Variants in RASSF4 observed in about 807,000 individuals in gnomAD.
RASSF4 encodes the protein Ras association domain family member 4, also known as ras association domain-containing protein 4.
Under a neutral mutation model 41.1 loss-of-function variants are expected in RASSF4, and 38 were observed. The observed-to-expected ratio is 0.92, with a 90% CI of 0.71 to 1.21. The LOEUF (loss-of-function observed/expected upper bound fraction) is 1.21, where lower values mean the gene tolerates loss of function less well. Among genes scored for constraint, RASSF4 ranks in the 50% most tolerant of loss-of-function variants. The probability of loss-of-function intolerance (pLI) is 0.00; values close to 1 mark genes in which losing one functional copy is unlikely to be tolerated. For synonymous variants in RASSF4, 179 were observed against 163.4 expected, an observed-to-expected ratio of 1.10 and a Z score of -0.73; for missense variants, 414 against 419.4, an observed-to-expected ratio of 0.99 and a Z score of 0.11.
intron 7 of RASSF4, 70 bp downstream of exon 7, chr10:44,989,445 TG>T: frequency 8.5e-7 from 1 of 1,175,718 alleles, no homozygotes; most frequent in Non-Finnish European, 1.3e-6. Context: ...GGTGGGGTTC[TG>T]GGGAAAGCTG....
chr10:44,984,994 C>T, intron 6 of RASSF4, 24 bp downstream of exon 6: 1 of 1,598,514 alleles, frequency 6.3e-7, no homozygotes. Context: ...CTGGCCTCTC[C>T]CCTGGGCGCA....
chr10:44,986,863 T>C (rs1350687633), intron 6 of RASSF4, among the ~76,000 whole-genome samples: 1 of 152,234 alleles, frequency 6.6e-6, no homozygotes, highest in African/African-American at 2.4e-5. Flanking sequence ...CCCAGAAATG[T>C]TGGTTTTATT....
Position 44,977,451 on chromosome 10 carries a change from G to T in RASSF4, c.139-5070G>T, listed in dbSNP as rs199694570. 5.0e-6 allele frequency: 8 copies of T among 1,611,496 alleles called. No homozygotes were observed. In the South Asian group the frequency reaches 7.7e-5, roughly 16 times the overall value. On this transcript the variant is annotated intron_variant, in intron 3 of 10. Coordinates refer to ENST00000340258, the MANE Select transcript of RASSF4 (RefSeq NM_032023.4). ...AGTGTTCTGAGGACACTGCTGGGGC[G>T]GGGGCGGTGGCGGGAGGCCATGGCT...
At chr10:44,990,840 T>C (rs1289821590) in intron 8 of RASSF4, 108 bp from the exon 9 acceptor site, 8 of 1,179,220 alleles carry the variant, frequency 6.8e-6, no homozygotes, top group South Asian at 5.7e-5. Context: ...TCTGTGTTCT[T>C]AGGGTTCCCT....
intron 9 of RASSF4, 103 bp from the exon 10 acceptor site, chr10:44,991,802 A>T: frequency 2.7e-6 from 2 of 734,002 alleles, no homozygotes; most frequent in Non-Finnish European, 4.7e-6. Flanking sequence ...TTCTGTGGAT[A>T]CAAGATGTTG....
intron 9 of RASSF4, among the ~76,000 whole-genome samples, chr10:44,991,498 A>G (rs529261371): frequency 8.5e-5 from 13 of 152,302 alleles, no homozygotes; most frequent in African/African-American, 2.4e-4. Context: ...ACTCCTCTGC[A>G]TAGAAGATGC....
chr10:44,971,552 T>G (rs765589130), intron 2 of RASSF4: 14 of 675,258 alleles, frequency 2.1e-5, no homozygotes, highest in Non-Finnish European at 3.8e-5. Context: ...GAGTCTCGCC[T>G]CCTCCTCAGC....
chr10:44,977,136 CAG>C, intron 3 of RASSF4: 1 of 424,576 alleles, frequency 2.4e-6, no homozygotes, highest in East Asian at 3.6e-5. Flanking sequence ...CTGAGGAACA[CAG>C]ATGTTAAGTA....
At chr10:44,969,396 A>G (rs1184115766) in intron 1 of RASSF4, among the ~76,000 whole-genome samples, 1 of 152,080 alleles carries the variant, frequency 6.6e-6, no homozygotes, top group Non-Finnish European at 1.5e-5. Flanking sequence ...GTGTGGATCC[A>G]CTAATGATCC....
intron 1 of RASSF4, among the ~76,000 whole-genome samples, chr10:44,968,065 G>C (rs1409774309): frequency 6.6e-6 from 1 of 152,202 alleles, no homozygotes; most frequent in African/African-American, 2.4e-5. Flanking sequence ...AGGAAGTTGG[G>C]GTGGAAGCTG....
chr10:44,964,932 T>A (rs753879876), intron 1 of RASSF4, among the ~76,000 whole-genome samples: 44 of 152,208 alleles, frequency 2.9e-4, no homozygotes, highest in Non-Finnish European at 5.3e-4. Context: ...AGTGTTGAGA[T>A]CTGCAGTGGA....
chr10:44,973,333 C>G (rs1040999582), intron 3 of RASSF4, among the ~76,000 whole-genome samples: 2 of 152,178 alleles, frequency 1.3e-5, no homozygotes, highest in Non-Finnish European at 2.9e-5. Flanking sequence ...GTCCTGAGCT[C>G]CAGTGTGCTG....
chr10:44,990,841 A>T, intron 8 of RASSF4, 107 bp from the exon 9 acceptor site: 1 of 1,181,728 alleles, frequency 8.5e-7, no homozygotes, highest in Non-Finnish European at 1.2e-6. Context: ...CTGTGTTCTT[A>T]GGGTTCCCTG....
At chr10:44,972,322 GC>G (rs1564454925) in intron 3 of RASSF4, among the ~76,000 whole-genome samples, 1 of 152,212 alleles carries the variant, frequency 6.6e-6, no homozygotes, top group African/African-American at 2.4e-5. Context: ...CTACACAGGG[GC>G]TTATAGGCTC....
intron 7 of RASSF4, 86 bp from the exon 8 acceptor site, chr10:44,989,583 TG>T (rs968400333): frequency 8.2e-7 from 1 of 1,216,878 alleles, no homozygotes; most frequent in East Asian, 2.3e-5. Context: ...TGTGTGTTAC[TG>T]GGGGTGTAGT....
intron 3 of RASSF4, chr10:44,976,010 C>T (rs770288039): frequency 6.6e-6 from 1 of 152,202 alleles, no homozygotes; most frequent in Non-Finnish European, 1.5e-5. Flanking sequence ...GGTGGGCCCT[C>T]TGGATCTCTC....
intron 1 of RASSF4, among the ~76,000 whole-genome samples, chr10:44,963,083 G>T (rs1433863110): frequency 6.6e-6 from 1 of 152,160 alleles, no homozygotes; most frequent in East Asian, 1.9e-4. Flanking sequence ...CCAGGGCAAG[G>T]CGGGAGTGGA....
intron 6 of RASSF4, among the ~76,000 whole-genome samples, chr10:44,985,872 A>AT (rs1485436310): frequency 6.6e-6 from 1 of 152,198 alleles, no homozygotes; most frequent in African/African-American, 2.4e-5. Flanking sequence ...ATGAATGACA[A>AT]TAGGGTTGCC....
intron 6 of RASSF4, among the ~76,000 whole-genome samples, chr10:44,987,320 A>T (rs1014957760): frequency 4.6e-4 from 70 of 152,058 alleles, no homozygotes; most frequent in African/African-American, 1.6e-3. Flanking sequence ...ACTGGTCTTG[A>T]ACTCCTGACC....
Sources: gnomAD v4.1 joint callset for allele counts (sites outside exome capture counted in the v4.1 genomes callset) on GRCh38, gnomAD v4.1.1 for gene constraint, MANE v1.5 for transcripts, NCBI Gene and HGNC (gene_info 2026-07-23, HGNC 2026-07-21) for gene names.